The following FAAH2 variants were observed in gnomAD, a reference collection of about 807,000 sequenced individuals.
FAAH2 encodes fatty acid amide hydrolase 2, also known as fatty-acid amide hydrolase 2.
A neutral mutation model predicts 36.9 loss-of-function variants in FAAH2; 60 were observed. That is an observed-to-expected ratio of 1.63 (90% CI 1.32 to 2.02). The LOEUF (loss-of-function observed/expected upper bound fraction) is 2.02. Among genes scored for constraint, FAAH2 ranks in the 30% most tolerant of loss-of-function variants. FAAH2 has a pLI of 0.00. For missense variants in FAAH2, 689 were observed against 397.5 expected (o/e 1.73, Z -6.23); for synonymous variants, 214 against 143.8 (o/e 1.49, Z -3.49).
At chrX:57,276,462 G>A in the FAAH2 span, among the ~76,000 whole-genome samples, 12 of 111,868 alleles carry the variant, frequency 1.1e-4, no homozygotes, top group Admixed American at 1.9e-4. Flanking sequence ...ATGCCCACAA[G>A]AGAAAGCAGA....
At chrX:57,151,962 G>A in the FAAH2 span, among the ~76,000 whole-genome samples, 2 of 111,710 alleles carry the variant, frequency 1.8e-5, no homozygotes, top group Non-Finnish European at 3.8e-5. Context: ...CTGTTTGTTA[G>A]TTTTCCTTCT....
the FAAH2 span, among the ~76,000 whole-genome samples, chrX:57,170,511 T>C: frequency 9.0e-6 from 1 of 111,294 alleles, no homozygotes; most frequent in Non-Finnish European, 1.9e-5. Context: ...AGAGGTGAAG[T>C]GTGGGATTTT....
chrX:57,322,980 C>A lies in FAAH2; in HGVS notation c.413-8618C>A, dbSNP rs199801805. Among the ~76,000 whole-genome samples, 4 of 110,506 alleles carry A rather than the reference C, an allele frequency of 3.6e-5. No individual in the cohort carries two copies. In the East Asian group the frequency reaches 1.1e-3, roughly 32 times the overall value. Reference sequence around the variant, plus strand: ...GTATATCCCCTAATGCTATCCTTCCCCACTTTCCCCACCCCACAACAGGCC... The same window carrying A: ...GTATATCCCCTAATGCTATCCTTCCACACTTTCCCCACCCCACAACAGGCC... On this transcript the variant is annotated intron_variant, in intron 3 of 10. Coordinates refer to ENST00000374900, the MANE Select transcript of FAAH2 (RefSeq NM_174912.4).
At chrX:57,295,763 C>T (rs1484704487) in intron 2 of FAAH2, among the ~76,000 whole-genome samples, 4 of 112,164 alleles carry the variant, frequency 3.6e-5, no homozygotes, top group Non-Finnish European at 7.5e-5. Flanking sequence ...CACCCTAATA[C>T]TGTGCTTTTC....
upstream of FAAH2, among the ~76,000 whole-genome samples, chrX:57,284,203 G>A (rs149152850): frequency 4.7e-3 from 520 of 111,463 alleles, 1 homozygote; most frequent in Middle Eastern, 9.2e-3. Flanking sequence ...TTATCCTGCG[G>A]CGTGCCCGGG....
intron 8 of FAAH2, among the ~76,000 whole-genome samples, chrX:57,441,307 A>T (rs1252028888): frequency 9.0e-6 from 1 of 111,273 alleles, no homozygotes; most frequent in Non-Finnish European, 1.9e-5. Context: ...CAGTGATTCA[A>T]ATTCTTCCTA....
In FAAH2 at chrX:57,448,731, A is replaced by G. The variant is rs778816166; in HGVS notation, c.1423+13A>G. 21 of 1,154,305 alleles carry G rather than the reference A, an allele frequency of 1.8e-5. No homozygotes were observed. The highest frequency in any genetic ancestry group is 2.3e-5 in the Non-Finnish European group (20 of 853,091). On this transcript the variant is annotated intron_variant, in intron 10 of 10. Transcript: ENST00000374900. ...TTTGCTTACACAGGTACCTAATTGT[A>G]TTCCTTACATTCTGTAATCTTAAAG...
At chrX:57,418,633 G>A (rs762662106) in intron 7 of FAAH2, among the ~76,000 whole-genome samples, 62 of 110,726 alleles carry the variant, frequency 5.6e-4, no homozygotes, top group Non-Finnish European at 9.3e-4. Context: ...CACCTTCTGC[G>A]TTGATCTGGC....
In FAAH2 at chrX:57,393,340, G is replaced by A. The variant is rs907899691; in HGVS notation, c.996+12311G>A. Reference sequence around the variant, plus strand: ...GGCCACCCCTGTGCATCTTTAGAGCGCTGACAGTGGCAACAAGCACCACCA... The same window carrying A: ...GGCCACCCCTGTGCATCTTTAGAGCACTGACAGTGGCAACAAGCACCACCA... On this transcript the variant is annotated intron_variant, in intron 7 of 10. Coordinates refer to ENST00000374900, the MANE Select transcript of FAAH2 (RefSeq NM_174912.4). 12 of 771,074 alleles carry A rather than the reference G, an allele frequency of 1.6e-5. No homozygotes were observed. The East Asian group carries it at 1.9e-4, about 12-fold the overall frequency. The allele number at this position is 771,074 out of a possible 1,213,427, so 63.5% of individuals were successfully genotyped here.
the FAAH2 span, among the ~76,000 whole-genome samples, chrX:57,158,741 T>C: frequency 1.8e-5 from 2 of 112,319 alleles, no homozygotes; most frequent in Admixed American, 1.9e-4. Context: ...ATTCTGGATA[T>C]TAGCCCTTTG....
chrX:57,338,403 G>C (rs775736806), intron 4 of FAAH2, among the ~76,000 whole-genome samples: 1 of 111,577 alleles, frequency 9.0e-6, no homozygotes, highest in Admixed American at 9.5e-5. Context: ...TTAAGGCAAG[G>C]ACTGGCCATT....
the FAAH2 span, among the ~76,000 whole-genome samples, chrX:57,222,441 C>T: frequency 8.9e-6 from 1 of 111,753 alleles, no homozygotes; most frequent in Admixed American, 9.4e-5. Context: ...GGACCTACCG[C>T]CCAGGTTGTT....
the FAAH2 span, among the ~76,000 whole-genome samples, chrX:57,182,339 G>T: frequency 1.8e-5 from 2 of 111,733 alleles, no homozygotes; most frequent in Non-Finnish European, 3.8e-5. Flanking sequence ...TCTGGCAAAG[G>T]TCTAATATCC....
intron 7 of FAAH2, among the ~76,000 whole-genome samples, chrX:57,428,823 T>C (rs1206411358): frequency 2.7e-5 from 3 of 112,114 alleles, no homozygotes; most frequent in Non-Finnish European, 5.6e-5. Flanking sequence ...AACATCATTT[T>C]TGGCAAAGAC....
intron 1 of FAAH2, among the ~76,000 whole-genome samples, chrX:57,289,547 G>A (rs1365296656): frequency 9.0e-6 from 1 of 110,854 alleles, no homozygotes; most frequent in Non-Finnish European, 1.9e-5. Context: ...CATCTCCTTT[G>A]TTAGGAGACA....
At chrX:57,331,832 A>G (rs2053417009) in intron 4 of FAAH2, 25 bp downstream of exon 4, 1 of 1,107,796 alleles carries the variant, frequency 9.0e-7, no homozygotes, top group African/African-American at 1.8e-5. Flanking sequence ...TTAGTATGGC[A>G]TGAATAGCTA....
chrX:57,156,447 T>C, the FAAH2 span, among the ~76,000 whole-genome samples: 3 of 112,083 alleles, frequency 2.7e-5, no homozygotes, highest in Non-Finnish European at 5.6e-5. Context: ...GTGGATATTC[T>C]TCAGTATCTG....
At chrX:57,231,863 T>A in the FAAH2 span, among the ~76,000 whole-genome samples, 2 of 111,615 alleles carry the variant, frequency 1.8e-5, no homozygotes, top group African/African-American at 6.5e-5. Flanking sequence ...CATTAGAGGT[T>A]GTAGGTTAAA....
intron 7 of FAAH2, chrX:57,395,483 C>A: frequency 4.6e-6 from 2 of 436,510 alleles, no homozygotes; most frequent in South Asian, 7.3e-5. Flanking sequence ...ATGCTTTAAC[C>A]TTATCCTCAT....
Sources: gnomAD v4.1 joint callset for allele counts (sites outside exome capture counted in the v4.1 genomes callset) on GRCh38, gnomAD v4.1.1 for gene constraint, MANE v1.5 for transcripts, NCBI Gene and HGNC (gene_info 2026-07-23, HGNC 2026-07-21) for gene names.